The following CACNA2D3 variants were observed in gnomAD, a reference collection of about 807,000 sequenced individuals.
CACNA2D3 encodes the protein calcium voltage-gated channel auxiliary subunit alpha2delta 3, also known as voltage-dependent calcium channel subunit alpha-2/delta-3.
In CACNA2D3, 60 loss-of-function variants were observed where a neutral mutation model predicts 160.6. That is an observed-to-expected ratio of 0.37 (90% CI 0.30 to 0.46). CACNA2D3 has a LOEUF of 0.46. Among genes scored for constraint, CACNA2D3 ranks in the 20% least tolerant of loss-of-function variants. The pLI is 1.00. For missense variants in CACNA2D3, 1,205 were observed against 1,365.0 expected, an observed-to-expected ratio of 0.88 and a Z score of 1.85; for synonymous variants, 558 against 492.9, an observed-to-expected ratio of 1.13 and a Z score of -1.75.
Position 54,122,681 on chromosome 3 carries a change from C to T in CACNA2D3, c.-33C>T. ...CAGCTCCCCGCGGCCGCTCTCGTCG[C>T]CGCCGCAGCGGGCGCGTCGGAGGGA... is the stretch of plus-strand genomic sequence containing the variant. On this transcript the variant is annotated 5_prime_UTR_variant, in exon 1 of 38. Coordinates refer to ENST00000474759, the MANE Select transcript of CACNA2D3 (RefSeq NM_018398.3). 5 of 1,080,946 alleles carry T rather than the reference C, an allele frequency of 4.6e-6. No homozygotes were observed. Among genetic ancestry groups the T allele is most frequent in the South Asian group, 4.4e-5 (1 of 22,980 alleles). The allele number at this position is 1,080,946 out of a possible 1,614,324, so 67.0% of individuals were successfully genotyped here.
At chr3:54,394,018 C>T (rs1699328905) in intron 4 of CACNA2D3, among the ~76,000 whole-genome samples, 1 of 152,292 alleles carries the variant, frequency 6.6e-6, no homozygotes, top group Middle Eastern at 3.4e-3. Context: ...CTGTGTCTCA[C>T]CATCTGGGGG....
intron 5 of CACNA2D3, among the ~76,000 whole-genome samples, chr3:54,532,526 A>G (rs1701821371): frequency 6.6e-6 from 1 of 152,202 alleles, no homozygotes; most frequent in Non-Finnish European, 1.5e-5. Context: ...TCATTTAGCT[A>G]TCATTTGTAA....
intron 9 of CACNA2D3, among the ~76,000 whole-genome samples, chr3:54,589,207 G>A (rs79388386): frequency 6.6e-6 from 1 of 152,132 alleles, no homozygotes; most frequent in East Asian, 1.9e-4. Context: ...GAGAACACAA[G>A]ACATATACCC....
chr3:54,339,470 T>G (rs1450974471), intron 3 of CACNA2D3, among the ~76,000 whole-genome samples: 2 of 152,202 alleles, frequency 1.3e-5, no homozygotes, highest in African/African-American at 2.4e-5. Context: ...ATACCTTTTC[T>G]TCATAGAACT....
chr3:54,980,660 G>C (rs1035318466), intron 29 of CACNA2D3, among the ~76,000 whole-genome samples: 5 of 152,142 alleles, frequency 3.3e-5, no homozygotes, highest in Admixed American at 1.3e-4. Context: ...GACACCATAA[G>C]GTCTGACTGT....
At chr3:54,143,780 T>G (rs1384931600) in intron 2 of CACNA2D3, among the ~76,000 whole-genome samples, 1 of 152,234 alleles carries the variant, frequency 6.6e-6, no homozygotes, top group Non-Finnish European at 1.5e-5. Context: ...ATTACAGGCA[T>G]GAGCCACCGT....
intron 27 of CACNA2D3, among the ~76,000 whole-genome samples, chr3:54,965,896 A>T (rs575775381): frequency 6.6e-6 from 1 of 152,300 alleles, no homozygotes; most frequent in East Asian, 1.9e-4. Flanking sequence ...TCAGGGCATC[A>T]GGACCAGGAC....
At chr3:55,031,290 C>T (rs1044421841) in intron 35 of CACNA2D3, among the ~76,000 whole-genome samples, 6 of 152,138 alleles carry the variant, frequency 3.9e-5, no homozygotes, top group Admixed American at 3.3e-4. Context: ...CCCAATACTG[C>T]ACCTGAAGTG....
intron 11 of CACNA2D3, among the ~76,000 whole-genome samples, chr3:54,682,351 G>T (rs981944345): frequency 6.6e-6 from 1 of 152,198 alleles, no homozygotes; most frequent in African/African-American, 2.4e-5. Flanking sequence ...ATTAGCCCGG[G>T]CGTGGTGGCT....
intron 4 of CACNA2D3, among the ~76,000 whole-genome samples, chr3:54,454,616 T>C (rs1700366182): frequency 6.6e-6 from 1 of 152,020 alleles, no homozygotes; most frequent in African/African-American, 2.4e-5. Context: ...ATGTTCAAAA[T>C]CCTCTCTTCC....
At chr3:54,195,566 T>C (rs1235530494) in intron 2 of CACNA2D3, among the ~76,000 whole-genome samples, 1 of 152,204 alleles carries the variant, frequency 6.6e-6, no homozygotes, top group African/African-American at 2.4e-5. Context: ...GTCCCCACTT[T>C]TGTAAATGTG....
chr3:54,454,286 A>T (rs970510402), intron 4 of CACNA2D3, among the ~76,000 whole-genome samples: 3 of 152,278 alleles, frequency 2.0e-5, no homozygotes, highest in Non-Finnish European at 4.4e-5. Flanking sequence ...ATTTTGACAG[A>T]TGCATTCCTT....
At chr3:54,557,676 T>C (rs1702261255) in intron 5 of CACNA2D3, among the ~76,000 whole-genome samples, 2 of 152,188 alleles carry the variant, frequency 1.3e-5, no homozygotes, top group Admixed American at 6.5e-5. Flanking sequence ...TTTGCATCTT[T>C]GTGGATTAAT....
At chr3:54,907,368 C>A (rs1201328205) in intron 27 of CACNA2D3, among the ~76,000 whole-genome samples, 1 of 152,052 alleles carries the variant, frequency 6.6e-6, no homozygotes, top group Non-Finnish European at 1.5e-5. Flanking sequence ...TTTATTTTAC[C>A]ACCAGAGAAA....
chr3:54,612,893 C>T (rs1005278442), intron 9 of CACNA2D3, among the ~76,000 whole-genome samples: 2 of 152,174 alleles, frequency 1.3e-5, no homozygotes, highest in African/African-American at 4.8e-5. Flanking sequence ...TCCTACATTG[C>T]TGGGATAAGC....
intron 2 of CACNA2D3, among the ~76,000 whole-genome samples, chr3:54,179,439 C>T (rs536927160): frequency 1.5e-4 from 23 of 152,212 alleles, no homozygotes; most frequent in South Asian, 4.2e-4. Flanking sequence ...TTGGGTCTGT[C>T]GGTGATTGGC....
chr3:54,811,987 A>C (rs577811491), intron 13 of CACNA2D3, among the ~76,000 whole-genome samples: 13 of 152,326 alleles, frequency 8.5e-5, no homozygotes, highest in African/African-American at 2.9e-4. Flanking sequence ...AAGCACTTCA[A>C]ATGGTGGATA....
At chr3:54,584,102 C>G (rs1702721883) in intron 9 of CACNA2D3, among the ~76,000 whole-genome samples, 1 of 151,994 alleles carries the variant, frequency 6.6e-6, no homozygotes, top group Non-Finnish European at 1.5e-5. Context: ...CCGAGAATGA[C>G]TGCTAAGAGA....
At chr3:54,680,288 TCAA>T (rs1351051988) in intron 11 of CACNA2D3, among the ~76,000 whole-genome samples, 5 of 152,242 alleles carry the variant, frequency 3.3e-5, no homozygotes, top group South Asian at 2.1e-4. Context: ...CTTGCTCAGC[TCAA>T]CAACACTTCC....
Sources: gnomAD v4.1 joint callset for allele counts (sites outside exome capture counted in the v4.1 genomes callset) on GRCh38, gnomAD v4.1.1 for gene constraint, MANE v1.5 for transcripts, NCBI Gene and HGNC (gene_info 2026-07-23, HGNC 2026-07-21) for gene names.